FCRL3: variants seen among roughly 807,000 people sequenced by gnomAD.
FCRL3 encodes the protein Fc receptor like 3, also known as Fc receptor-like protein 3.
A neutral mutation model predicts 75.0 loss-of-function variants in FCRL3; 89 were observed. The ratio of observed to expected loss-of-function variants is 1.19; its 90% CI spans 1.00 to 1.42. The LOEUF (loss-of-function observed/expected upper bound fraction) is 1.42. Among genes scored for constraint, FCRL3 ranks in the 40% most tolerant of loss-of-function variants. The pLI, the probability that FCRL3 is intolerant of heterozygous loss-of-function variation, is 0.00. For synonymous variants in FCRL3, 376 were observed against 348.5 expected (o/e 1.08, Z -0.88); for missense variants, 946 against 880.0 (o/e 1.07, Z -0.95).
Position 157,698,759 on chromosome 1 carries a change from AG to A in FCRL3, c.53-131del, listed in dbSNP as rs1656129341. On this transcript the variant is annotated intron_variant, in intron 3 of 14. Transcript: ENST00000368184. ...CAGTCAGGACCAGGGTGGAAAATTG[AG>A]CAGAAATAACCTAGGGAAATGCCTG... The A allele has an allele frequency of 5.8e-6, 5 of 868,174 alleles. No homozygotes were observed. The South Asian group carries it at 8.7e-5, about 15-fold the overall frequency. The allele number at this position is 868,174 out of a possible 1,614,324, so 53.8% of individuals were successfully genotyped here. A position where few individuals can be genotyped will look rare whatever the true frequency, so the allele number is the denominator to read the frequency against.
chr1:157,677,093 CA>C lies in FCRL3; in HGVS notation c.*1616del. ...CGGGCAGGACATCATGCCCTGCACT[CA>C]AAGGCCAGGATAAGGGTAACAGAGG... is the stretch of plus-strand genomic sequence containing the variant. On this transcript the variant is annotated 3_prime_UTR_variant, in exon 15 of 15. Coordinates refer to ENST00000368184, the MANE Select transcript of FCRL3 (RefSeq NM_052939.4). 1.8e-6 allele frequency: 2 copies of C among 1,110,328 alleles called. No homozygotes were observed. Among genetic ancestry groups the C allele is most frequent in the Non-Finnish European group, 2.2e-6 (2 of 900,484 alleles). The allele number at this position is 1,110,328 out of a possible 1,614,324, so 68.8% of individuals were successfully genotyped here.
chr1:157,684,705 A>G (rs1171326448), intron 10 of FCRL3, among the ~76,000 whole-genome samples: 2 of 152,152 alleles, frequency 1.3e-5, no homozygotes, highest in African/African-American at 4.8e-5. Context: ...TAACCACTTC[A>G]TAGATGAAGA....
rs1159197726 is a variant in FCRL3, at chr1:157,677,437, A to G, written c.*1273T>C. On this transcript the variant is annotated 3_prime_UTR_variant, in exon 15 of 15. Transcript: ENST00000368184. ...CTAGAATTGGCAACATTCAGAGATT[A>G]ATGTTAATATAATCTCAGTTGTCCC... is the stretch of plus-strand genomic sequence containing the variant. The G allele has an allele frequency of 6.1e-6, 6 of 985,388 alleles. No individual in the cohort carries two copies. The East Asian group carries it at 5.7e-4, about 93-fold the overall frequency. 61.0% of individuals were successfully genotyped at this position (985,388 alleles called of 1,614,324 possible).
rs115688987 is a variant in FCRL3, at chr1:157,676,934, A to G, written c.*1776T>C. The G allele has an allele frequency of 2.1e-3, 3,016 of 1,416,854 alleles. 55 individuals are homozygous for G. The African/African-American group carries it at 0.039, about 18-fold the overall frequency. The allele number at this position is 1,416,854 out of a possible 1,614,324, so 87.8% of individuals were successfully genotyped here. On this transcript the variant is annotated 3_prime_UTR_variant, in exon 15 of 15. Coordinates refer to ENST00000368184, the MANE Select transcript of FCRL3 (RefSeq NM_052939.4). Reference sequence around the variant, plus strand: ...GTTGGTACCCAAAACCGGTTTACATATTTTCACCATAGAGAAAAAAACAGC... The same window carrying G: ...GTTGGTACCCAAAACCGGTTTACATGTTTTCACCATAGAGAAAAAAACAGC...
intron 3 of FCRL3, among the ~76,000 whole-genome samples, 156 bp downstream of exon 3, chr1:157,699,536 C>T (rs1020704263): frequency 2.0e-5 from 3 of 150,622 alleles, no homozygotes; most frequent in Admixed American, 6.6e-5. Flanking sequence ...CTGAAAAAGT[C>T]GGAGGAGGCT....
Position 157,677,212 on chromosome 1 carries a change from G to A in FCRL3, c.*1498C>T, listed in dbSNP as rs1654516227. The A allele has an allele frequency of 9.9e-7, 1 of 1,005,518 alleles. No homozygotes were observed. The allele number at this position is 1,005,518 out of a possible 1,614,324, so 62.3% of individuals were successfully genotyped here. A position where few individuals can be genotyped will look rare whatever the true frequency, so the allele number is the denominator to read the frequency against. ...GCTGGTCGTAATGGAGGACAAAAGT[G>A]CCTTCTGGTGAAACTCAGCTTCCAT... On this transcript the variant is annotated 3_prime_UTR_variant, in exon 15 of 15. Coordinates refer to ENST00000368184, the MANE Select transcript of FCRL3 (RefSeq NM_052939.4).
chr1:157,691,722 C>A (rs896237303), intron 8 of FCRL3: 9 of 152,154 alleles, frequency 5.9e-5, no homozygotes, highest in African/African-American at 2.2e-4. Flanking sequence ...TCTCACTGTG[C>A]CTTTCACTCA....
rs763890775 is a variant in FCRL3 at position 157,697,134 on chromosome 1, A to G, written c.844+6T>C. 4 of 1,454,906 alleles carry G rather than the reference A, an allele frequency of 2.7e-6. No homozygotes were observed. Among genetic ancestry groups the G allele is most frequent in the Admixed American group, 2.4e-5 (1 of 41,776 alleles). 90.1% of individuals were successfully genotyped at this position (1,454,906 alleles called of 1,614,324 possible). A position where few individuals can be genotyped will look rare whatever the true frequency, so the allele number is the denominator to read the frequency against. On this transcript the variant is annotated splice_donor_region_variant and intron_variant, in intron 6 of 14. Transcript: ENST00000368184. Reference sequence around the variant, plus strand: ...ACTCTGGAAGAGCAGCCCCTTAGACACTCACTCTGTACACGTATCTGAGAT... The same window carrying G: ...ACTCTGGAAGAGCAGCCCCTTAGACGCTCACTCTGTACACGTATCTGAGAT...
chr1:157,686,226 C>G (rs1655168630), intron 10 of FCRL3, among the ~76,000 whole-genome samples: 1 of 150,676 alleles, frequency 6.6e-6, no homozygotes, highest in Admixed American at 6.6e-5. Flanking sequence ...CCTAGGAATA[C>G]AGCTAACAAA....
chr1:157,699,548 T>C, intron 3 of FCRL3, 144 bp downstream of exon 3: 1 of 721,890 alleles, frequency 1.4e-6, no homozygotes, highest in East Asian at 2.9e-5. Flanking sequence ...GAGGAGGCTC[T>C]GTTCACCCAA....
Position 157,697,772 on chromosome 1 carries a change from A to T in FCRL3, c.446T>A (p.Ile149Asn), listed in dbSNP as rs145082681. 94 of 1,614,008 alleles carry T rather than the reference A, an allele frequency of 5.8e-5. No homozygotes were observed. In the African/African-American group the frequency reaches 1.1e-3, roughly 19 times the overall value. ...QLPNSYNLEKITVNSVSRDNS... is the reference protein window; with the variant it reads ...QLPNSYNLEKNTVNSVSRDNS... ...ATCCCTGGAGACTGAATTCACTGTGATCTTCTCTAAATTATAACTATTAGG... is the reference window on the plus strand; with the variant it reads ...ATCCCTGGAGACTGAATTCACTGTGTTCTTCTCTAAATTATAACTATTAGG... The change falls in exon 5 of 15, where the codon ATC (isoleucine) becomes AAC (asparagine). Residue 149 changes from isoleucine (I) to asparagine (N), a missense_variant. Coordinates refer to ENST00000368184, the MANE Select transcript of FCRL3 (RefSeq NM_052939.4).
intron 2 of FCRL3, 61 bp downstream of exon 2, chr1:157,700,398 G>A (rs1403918931): frequency 5.6e-6 from 9 of 1,612,480 alleles, no homozygotes; most frequent in South Asian, 5.5e-5. Context: ...AGCTCCTTGA[G>A]TTTTTCCCTG....
chr1:157,685,034 A>C (rs553926255), intron 10 of FCRL3, among the ~76,000 whole-genome samples: 112 of 151,966 alleles, frequency 7.4e-4, no homozygotes, highest in Non-Finnish European at 1.3e-3. Context: ...TTGTTATTTA[A>C]AATAACACTT....
chr1:157,677,321 A>G lies in FCRL3; in HGVS notation c.*1389T>C. 2 of 987,654 alleles carry G rather than the reference A, an allele frequency of 2.0e-6. No individual in the cohort carries two copies. The highest frequency in any genetic ancestry group is 2.4e-6 in the Non-Finnish European group (2 of 831,234). The allele number at this position is 987,654 out of a possible 1,614,324, so 61.2% of individuals were successfully genotyped here. A position where few individuals can be genotyped will look rare whatever the true frequency, so the allele number is the denominator to read the frequency against. ...TGGTGATTGTTTGAATGCATGTAAG[A>G]CATTCCCTAGGGACTCCAAGAAATA... On this transcript the variant is annotated 3_prime_UTR_variant, in exon 15 of 15. Transcript: ENST00000368184.
chr1:157,676,804 G>A lies in FCRL3; in HGVS notation c.*1906C>T, dbSNP rs1314671820. On this transcript the variant is annotated 3_prime_UTR_variant, in exon 15 of 15. Coordinates refer to ENST00000368184, the MANE Select transcript of FCRL3 (RefSeq NM_052939.4). ...GATAAACAATGATAAGAGATGACAG[G>A]TCCCTTAGAGAAAGTTCACTATAAG... The A allele has an allele frequency of 2.6e-6, 4 of 1,549,184 alleles. No homozygotes were observed. In the African/African-American group the frequency reaches 5.5e-5, roughly 21 times the overall value.
chr1:157,685,058 G>A (rs1452585392), intron 10 of FCRL3, among the ~76,000 whole-genome samples: 1 of 151,810 alleles, frequency 6.6e-6, no homozygotes, highest in African/African-American at 2.4e-5. Flanking sequence ...CTAAGTCTGG[G>A]GGACAGACCA....
At chr1:157,693,785 T>C (rs1465488339) in intron 8 of FCRL3, among the ~76,000 whole-genome samples, 1 of 151,886 alleles carries the variant, frequency 6.6e-6, no homozygotes, top group Non-Finnish European at 1.5e-5. Context: ...TATCACTCTG[T>C]TGCCCAGGCT....
chr1:157,699,562 A>T (rs1656178865), intron 3 of FCRL3, 130 bp downstream of exon 3: 3 of 897,524 alleles, frequency 3.3e-6, no homozygotes, highest in African/African-American at 1.7e-5. Flanking sequence ...CACCCAATAT[A>T]GTAGCAGATG....
chr1:157,676,534 T>G lies in FCRL3; in HGVS notation c.*2176A>C. On this transcript the variant is annotated 3_prime_UTR_variant, in exon 15 of 15. Transcript: ENST00000368184. ...AAGGCTCCACTAAAATTACTTTTTT[T>G]AGATTTCTGGGCTATGGGTTTTTAG... 1.8e-6 allele frequency: 1 copy of G among 565,976 alleles called. No individual in the cohort carries two copies. Among genetic ancestry groups the G allele is most frequent in the South Asian group, 3.2e-5 (1 of 31,068 alleles). 35.1% of individuals were successfully genotyped at this position (565,976 alleles called of 1,614,324 possible).
Sources: allele counts gnomAD v4.1 joint callset (sites outside exome capture counted in the v4.1 genomes callset), GRCh38; gene constraint gnomAD v4.1.1; transcripts MANE v1.5; gene names NCBI Gene and HGNC (gene_info 2026-07-23, HGNC 2026-07-21).